G6PC3: variants seen among roughly 807,000 people sequenced by gnomAD.
G6PC3 encodes the protein glucose-6-phosphatase 3.
A neutral mutation model predicts 38.6 loss-of-function variants in G6PC3; 30 were observed. That is an observed-to-expected ratio of 0.78 (90% CI 0.58 to 1.05). The LOEUF (loss-of-function observed/expected upper bound fraction) is 1.05. G6PC3 is among the 50% of genes least tolerant of loss of function. The pLI is 0.00. For synonymous variants in G6PC3, 192 were observed against 178.1 expected, an observed-to-expected ratio of 1.08 and a Z score of -0.62; for missense variants, 377 against 443.1, an observed-to-expected ratio of 0.85 and a Z score of 1.34.
chr17:44,071,307 A>AT (rs1218472309), intron 1 of G6PC3, 124 bp downstream of exon 1: 31 of 1,485,894 alleles, frequency 2.1e-5, no homozygotes, highest in South Asian at 3.7e-5. Context: ...GTAGTCCCTG[A>AT]TTTTTTTTCC....
Position 44,071,001 on chromosome 17 carries a change from C to T in G6PC3, c.36C>T (p.Ala12=), listed in dbSNP as rs2144134903. Residue 12 remains alanine (A), a synonymous_variant, in exon 1 of 6, where the codon GCC becomes GCT. Transcript: ENST00000269097. ...CGCTGGGCGCGGGCATCGTGATAGC[C>T]GAGGCGCTACAGAACCAGCTAGCCT... ...ESTLGAGIVI[A]EALQNQLAWL... is the part of the protein sequence containing the mutation. 1 of 1,562,362 alleles carries T rather than the reference C, an allele frequency of 6.4e-7. No homozygotes were observed. Among genetic ancestry groups the T allele is most frequent in the East Asian group, 2.4e-5 (1 of 41,796 alleles).
rs201268618 is a variant in G6PC3, at chr17:44,075,869, G to A, written c.867G>A (p.Leu289=). The change falls in exon 6 of 6, where the codon CTG becomes CTA. Residue 289 remains leucine (L), a synonymous_variant. Transcript: ENST00000269097. ...GCCAGAAGATAGCCTGCCTTGTGCT[G>A]GCCATGGGGCTGCTGGGCCCCCTGG... ...GNGQKIACLV[L]AMGLLGPLDW... 1.6e-5 allele frequency: 25 copies of A among 1,612,482 alleles called. No individual in the cohort carries two copies. The highest frequency in any genetic ancestry group is 4.0e-5 in the African/African-American group (3 of 74,930).
At chr17:44,073,870 A>G (rs553723050) in intron 1 of G6PC3, 171 of 398,118 alleles carry the variant, frequency 4.3e-4, no homozygotes, top group Non-Finnish European at 7.2e-4. Flanking sequence ...CTGGGATTAC[A>G]GTCATGAGCC....
Position 44,075,397 on chromosome 17 carries a change from T to C in G6PC3, c.623T>C (p.Leu208Pro). 1 of 1,614,200 alleles carries C rather than the reference T, an allele frequency of 6.2e-7. No individual in the cohort carries two copies. Among genetic ancestry groups the C allele is most frequent in the Non-Finnish European group, 8.5e-7 (1 of 1,180,008 alleles). Residue 208 changes from leucine (L) to proline (P), a missense_variant, in exon 5 of 6, where the codon CTA becomes CCA. Physicochemically the swap from Leu to Pro is moderately conservative, Grantham distance 98. Transcript: ENST00000269097. ...GGGTTGACTGCACTGGCCCTCATGC[T>C]AGGCACCAGCCTCATCTATTGGACC... ...FYGLTALALM[L>P]GTSLIYWTLF...
chr17:44,075,976 T>C lies in G6PC3; in HGVS notation c.974T>C (p.Leu325Pro). The change falls in exon 6 of 6, where the codon CTG (leucine) becomes CCG (proline). Residue 325 changes from leucine (L) to proline (P), a missense_variant. Transcript: ENST00000269097. ...LKYTLWPCLV[L>P]ALVPWAVHMF... ...TACACCCTCTGGCCATGCCTAGTCC[T>C]GGCCCTCGTGCCCTGGGCAGTGCAC... The C allele has an allele frequency of 1.2e-6, 2 of 1,613,278 alleles. No individual in the cohort carries two copies.
Position 44,076,130 on chromosome 17 carries a change from C to T in G6PC3, c.*87C>T. 2 of 1,564,538 alleles carry T rather than the reference C, an allele frequency of 1.3e-6. No homozygotes were observed. The highest frequency in any genetic ancestry group is 1.7e-6 in the Non-Finnish European group (2 of 1,147,602). ...TCCAGGAGGCAGCCCCATCCCCTTCCAGCCCCTAAGTAGGCCCTCCCCTCC... is the reference window on the plus strand; with the variant it reads ...TCCAGGAGGCAGCCCCATCCCCTTCTAGCCCCTAAGTAGGCCCTCCCCTCC... On this transcript the variant is annotated 3_prime_UTR_variant, in exon 6 of 6. Transcript: ENST00000269097.
chr17:44,076,290 G>T lies in G6PC3; in HGVS notation c.*247G>T, dbSNP rs1411048005. ...GCAACAGCAAGACCAGCGGGTTCTT[G>T]CAACACTGTGAGGGGCAGCCAGGGC... On this transcript the variant is annotated 3_prime_UTR_variant, in exon 6 of 6. Coordinates refer to ENST00000269097, the MANE Select transcript of G6PC3 (RefSeq NM_138387.4). 1.4e-6 allele frequency: 1 copy of T among 691,280 alleles called. No homozygotes were observed. The highest frequency in any genetic ancestry group is 2.6e-6 in the Non-Finnish European group (1 of 379,548). 42.8% of individuals were successfully genotyped at this position (691,280 alleles called of 1,614,324 possible).
Position 44,070,950 on chromosome 17 carries a change from C to A in G6PC3, c.-16C>A, listed in dbSNP as rs774646319. On this transcript the variant is annotated 5_prime_UTR_variant, in exon 1 of 6. Transcript: ENST00000269097. ...GCCCTGGAGCAAGCCGGGGCCTGGT[C>A]GGCAGCTGGGCCGCCATGGAGTCCA... 8.4e-6 allele frequency: 13 copies of A among 1,548,854 alleles called. No individual in the cohort carries two copies. Among genetic ancestry groups the A allele is most frequent in the South Asian group, 1.2e-5 (1 of 84,034 alleles).
rs775783518 is a variant in G6PC3, at chr17:44,075,044, C to T, written c.492C>T (p.Ile164=). Residue 164 remains isoleucine, a synonymous_variant, in exon 4 of 6, where the codon ATC becomes ATT. Transcript: ENST00000269097. ...CGGTTGGCTTGTCGCGAATCTTCATCTTAGCACATTTCCCTCACCAGGTGC... is the reference window on the plus strand; with the variant it reads ...CGGTTGGCTTGTCGCGAATCTTCATTTTAGCACATTTCCCTCACCAGGTGC... The part of the protein sequence containing the change: ...LLAVGLSRIF[I]LAHFPHQVLA... 1.9e-6 allele frequency: 3 copies of T among 1,614,056 alleles called. No homozygotes were observed. Among genetic ancestry groups the T allele is most frequent in the African/African-American group, 2.7e-5 (2 of 74,918 alleles).
intron 1 of G6PC3, 175 bp from the exon 2 acceptor site, chr17:44,073,985 A>G (rs2050027567): frequency 2.8e-6 from 2 of 713,448 alleles, no homozygotes; most frequent in African/African-American, 3.5e-5. Context: ...TCCTGTTCTA[A>G]GGTAGAAAAC....
rs1474226570 is a variant in G6PC3, at chr17:44,071,105, A to T, written c.140A>T (p.Tyr47Phe). 1 of 1,614,014 alleles carries T rather than the reference A, an allele frequency of 6.2e-7. No individual in the cohort carries two copies. The highest frequency in any genetic ancestry group is 8.5e-7 in the Non-Finnish European group (1 of 1,179,974). Reference sequence around the variant, plus strand: ...TTTCTGTTCTACTTCCCCGCGGCCTACTACGCCTCCCGCCGTGTGGGCATC... The same window carrying T: ...TTTCTGTTCTACTTCCCCGCGGCCTTCTACGCCTCCCGCCGTGTGGGCATC... ...ILFLFYFPAAYYASRRVGIAV... is the reference protein window; with the variant it reads ...ILFLFYFPAAFYASRRVGIAV... Residue 47 changes from tyrosine (Y) to phenylalanine (F), a missense_variant, in exon 1 of 6, where the codon TAC becomes TTC. Physicochemically the swap from Tyr to Phe is conservative, Grantham distance 22. Coordinates refer to ENST00000269097, the MANE Select transcript of G6PC3 (RefSeq NM_138387.4).
chr17:44,073,979 G>C (rs542658412), intron 1 of G6PC3, 181 bp from the exon 2 acceptor site: 8 of 703,494 alleles, frequency 1.1e-5, no homozygotes, highest in South Asian at 9.3e-5. Flanking sequence ...TCTTTCTCCT[G>C]TTCTAAGGTA....
intron 1 of G6PC3, chr17:44,071,949 G>A: frequency 3.2e-6 from 1 of 310,892 alleles, no homozygotes; most frequent in Non-Finnish European, 6.5e-6. Context: ...GGACATGGGT[G>A]GAGGCCCTGT....
chr17:44,070,826 T>G lies in G6PC3; in HGVS notation c.-140T>G. The G allele has an allele frequency of 1.1e-6, 1 of 911,962 alleles. No individual in the cohort carries two copies. The highest frequency in any genetic ancestry group is 1.7e-6 in the Non-Finnish European group (1 of 581,178). The allele number at this position is 911,962 out of a possible 1,614,324, so 56.5% of individuals were successfully genotyped here. A position where few individuals can be genotyped will look rare whatever the true frequency, so the allele number is the denominator to read the frequency against. Reference sequence around the variant, plus strand: ...AGCGGGGGACTGCTGGGGGCGGGGCTTGGTGGTGACCGCTGGCGGGGCGGG... The same window carrying G: ...AGCGGGGGACTGCTGGGGGCGGGGCGTGGTGGTGACCGCTGGCGGGGCGGG... On this transcript the variant is annotated 5_prime_UTR_variant, in exon 1 of 6. Coordinates refer to ENST00000269097, the MANE Select transcript of G6PC3 (RefSeq NM_138387.4).
chr17:44,070,702 C>T, upstream of G6PC3: 1 of 510,312 alleles, frequency 2.0e-6, no homozygotes, highest in South Asian at 2.0e-5. Context: ...CCTGAGGAAA[C>T]GCCTTTACAA....
In G6PC3 at chr17:44,075,636, T is replaced by C. The variant is rs201561483; in HGVS notation, c.678-44T>C. 3.1e-6 allele frequency: 5 copies of C among 1,606,816 alleles called. No individual in the cohort carries two copies. The East Asian group carries it at 8.9e-5, about 29-fold the overall frequency. Reference sequence around the variant, plus strand: ...GCAGATGGCCAAGAGCCAGTGGCCTTCTATGTTCCAGCCTCTCCTGGCAAG... The same window carrying C: ...GCAGATGGCCAAGAGCCAGTGGCCTCCTATGTTCCAGCCTCTCCTGGCAAG... On this transcript the variant is annotated intron_variant, in intron 5 of 5. Coordinates refer to ENST00000269097, the MANE Select transcript of G6PC3 (RefSeq NM_138387.4).
At position 44,076,009 on chromosome 17, in the gene G6PC3, G is replaced by C. The variant is rs1049604897; in HGVS notation, c.1007G>C (p.Ser336Thr). The change falls in exon 6 of 6, where the codon AGT becomes ACT. Residue 336 changes from serine to threonine, a missense_variant. Ser to Thr is a moderately conservative substitution (Grantham distance 58). Transcript: ENST00000269097. ...ALVPWAVHMF[S>T]AQEAPPIHSS The stretch of plus-strand genomic sequence containing the variant: ...GTGCCCTGGGCAGTGCACATGTTCA[G>C]TGCCCAGGAAGCACCGCCCATCCAC... The C allele has an allele frequency of 5.0e-6, 8 of 1,612,950 alleles. No individual in the cohort carries two copies. The highest frequency in any genetic ancestry group is 6.8e-6 in the Non-Finnish European group (8 of 1,180,002).
At position 44,070,920 on chromosome 17, in the gene G6PC3, T is replaced by G; in HGVS notation, c.-46T>G. ...CGCTGCTTCGTTGCCTGGACTCTGG[T>G]TTCCGCCCTGGAGCAAGCCGGGGCC... On this transcript the variant is annotated 5_prime_UTR_variant, in exon 1 of 6. Transcript: ENST00000269097. The G allele has an allele frequency of 3.2e-6, 5 of 1,541,846 alleles. No homozygotes were observed. The highest frequency in any genetic ancestry group is 4.4e-6 in the Non-Finnish European group (5 of 1,146,376).
Position 44,071,114 on chromosome 17 carries a change from C to G in G6PC3, c.149C>G (p.Ser50Cys). The change falls in exon 1 of 6, where the codon TCC becomes TGC. Residue 50 changes from serine (S) to cysteine (C), a missense_variant. Transcript: ENST00000269097. ...LFYFPAAYYA[S>C]RRVGIAVLWI... ...TACTTCCCCGCGGCCTACTACGCCTCCCGCCGTGTGGGCATCGCGGTGCTC... is the reference window on the plus strand; with the variant it reads ...TACTTCCCCGCGGCCTACTACGCCTGCCGCCGTGTGGGCATCGCGGTGCTC... 1 of 1,614,058 alleles carries G rather than the reference C, an allele frequency of 6.2e-7. No individual in the cohort carries two copies. The highest frequency in any genetic ancestry group is 8.5e-7 in the Non-Finnish European group (1 of 1,179,998).
Sources: allele counts gnomAD v4.1 joint callset, GRCh38; gene constraint gnomAD v4.1.1; transcripts MANE v1.5; gene names NCBI Gene and HGNC (gene_info 2026-07-23, HGNC 2026-07-21).